NKAIN2: variants seen among roughly 807,000 people sequenced by gnomAD.
The protein encoded by NKAIN2 is sodium/potassium transporting ATPase interacting 2.
Under a neutral mutation model 32.6 loss-of-function variants are expected in NKAIN2, and 14 were observed. That is an observed-to-expected ratio of 0.43 (90% CI 0.28 to 0.67). NKAIN2 has a LOEUF of 0.67. Among genes scored for constraint, NKAIN2 ranks in the 30% least tolerant of loss-of-function variants. The pLI is 0.17. For missense variants in NKAIN2, 198 were observed against 258.3 expected (o/e 0.77, Z 1.60); for synonymous variants, 80 against 87.2 (o/e 0.92, Z 0.46).
chr6:124,453,355 A>ACACACACACACACACG (rs1554210275), intron 3 of NKAIN2, among the ~76,000 whole-genome samples: 5 of 136,676 alleles, frequency 3.7e-5, no homozygotes, highest in Admixed American at 7.5e-5. Flanking sequence ...ACACACACAC[A>ACACACACACACACACG]CACACACACA....
chr6:124,217,586 C>T (rs543051475), intron 1 of NKAIN2, among the ~76,000 whole-genome samples: 1 of 151,706 alleles, frequency 6.6e-6, no homozygotes. Context: ...GATTTGTTTA[C>T]CTAAAGGTAT....
At chr6:124,088,004 CA>C (rs1344253314) in intron 1 of NKAIN2, among the ~76,000 whole-genome samples, 4 of 152,098 alleles carry the variant, frequency 2.6e-5, no homozygotes, top group Middle Eastern at 3.4e-3. Context: ...TACTACGTTG[CA>C]TTCGCATTTT....
At chr6:124,079,413 G>A (rs1232203700) in intron 1 of NKAIN2, among the ~76,000 whole-genome samples, 1 of 152,134 alleles carries the variant, frequency 6.6e-6, no homozygotes, top group Non-Finnish European at 1.5e-5. Flanking sequence ...GTGTGGGGTT[G>A]AAATCACTAA....
chr6:124,016,059 A>C (rs1780558922), intron 1 of NKAIN2, among the ~76,000 whole-genome samples: 1 of 152,144 alleles, frequency 6.6e-6, no homozygotes, highest in Non-Finnish European at 1.5e-5. Context: ...GATCATTTCC[A>C]ATTTTTATAC....
chr6:124,775,578 C>T (rs1778951576), intron 4 of NKAIN2, among the ~76,000 whole-genome samples: 1 of 152,124 alleles, frequency 6.6e-6, no homozygotes, highest in South Asian at 2.1e-4. Flanking sequence ...CCTTCAAAAA[C>T]TCTTCAAATA....
At chr6:124,606,346 A>G (rs904401607) in intron 3 of NKAIN2, among the ~76,000 whole-genome samples, 2 of 151,924 alleles carry the variant, frequency 1.3e-5, no homozygotes, top group Non-Finnish European at 2.9e-5. Flanking sequence ...ATGTCTTTTT[A>G]CAGAGAGAAA....
At chr6:123,914,247 GAC>G (rs1562254918) in intron 1 of NKAIN2, among the ~76,000 whole-genome samples, 2 of 151,808 alleles carry the variant, frequency 1.3e-5, no homozygotes, top group Non-Finnish European at 2.9e-5. Flanking sequence ...CAGACAGAGA[GAC>G]AGAGACAGAG....
chr6:124,460,264 C>G (rs1361739326), intron 3 of NKAIN2, among the ~76,000 whole-genome samples: 1 of 151,504 alleles, frequency 6.6e-6, no homozygotes, highest in Non-Finnish European at 1.5e-5. Context: ...AAATATTTTC[C>G]TATATTTGTC....
At chr6:124,031,393 C>T (rs9491052) in intron 1 of NKAIN2, among the ~76,000 whole-genome samples, 8,123 of 152,028 alleles carry the variant, frequency 0.053, 721 homozygotes, top group African/African-American at 0.18. Context: ...AAGGGTTTTT[C>T]TGTGTCTCTA....
intron 1 of NKAIN2, among the ~76,000 whole-genome samples, chr6:124,216,769 GTATT>G (rs1280937462): frequency 7.2e-5 from 11 of 152,164 alleles, no homozygotes; most frequent in African/African-American, 2.7e-4. Context: ...AAGGAGTTTT[GTATT>G]TATTGGCAAA....
At chr6:124,045,752 AT>A (rs1213094849) in intron 1 of NKAIN2, among the ~76,000 whole-genome samples, 1 of 152,050 alleles carries the variant, frequency 6.6e-6, no homozygotes, top group Non-Finnish European at 1.5e-5. Flanking sequence ...ATAATTTGAA[AT>A]TGATACATTA....
At chr6:124,383,563 C>A (rs905073610) in intron 3 of NKAIN2, among the ~76,000 whole-genome samples, 1 of 152,138 alleles carries the variant, frequency 6.6e-6, no homozygotes, top group African/African-American at 2.4e-5. Context: ...GCTCTTGTGG[C>A]CACACACGTG....
In NKAIN2 at chr6:124,808,573, T is replaced by C. The variant is rs577104921; in HGVS notation, c.536-9814T>C. On this transcript the variant is annotated intron_variant, in intron 5 of 6. Transcript: ENST00000368417. ...GAAGCATTCCCTTTGAAAACTGGCA[T>C]AAGACAGGGATGCCCTCTCTCACCA... 3.2e-3 allele frequency among the ~76,000 whole-genome samples: 493 copies of C among 152,168 alleles called. 2 individuals are homozygous for C. Among genetic ancestry groups the C allele is most frequent in the African/African-American group, 5.2e-3 (218 of 41,546 alleles).
intron 2 of NKAIN2, among the ~76,000 whole-genome samples, chr6:124,329,292 T>C (rs1011658005): frequency 2.0e-5 from 3 of 152,224 alleles, no homozygotes; most frequent in African/African-American, 4.8e-5. Context: ...TTATCTCATC[T>C]GGGTGCCAAA....
chr6:124,114,425 A>G (rs960123648), intron 1 of NKAIN2, among the ~76,000 whole-genome samples: 1 of 152,068 alleles, frequency 6.6e-6, no homozygotes. Flanking sequence ...AAAATTCAGT[A>G]TTAGGTGTGT....
chr6:124,209,545 TA>T (rs1791064636), intron 1 of NKAIN2, among the ~76,000 whole-genome samples: 1 of 151,810 alleles, frequency 6.6e-6, no homozygotes, highest in Non-Finnish European at 1.5e-5. Flanking sequence ...CCATAGTGAC[TA>T]TACTAATAAT....
intron 3 of NKAIN2, among the ~76,000 whole-genome samples, chr6:124,589,795 A>G (rs1781842103): frequency 6.6e-6 from 1 of 152,034 alleles, no homozygotes; most frequent in Non-Finnish European, 1.5e-5. Context: ...CCCTGCATGC[A>G]TTAGGTATTA....
rs542945466 is a variant in NKAIN2, at chr6:124,290,054, A to AC, written c.192+6913dup. On this transcript the variant is annotated intron_variant, in intron 2 of 6. Coordinates refer to ENST00000368417, the MANE Select transcript of NKAIN2 (RefSeq NM_001040214.3). ...CATAAGCCTGGAAGGGAGGGAGAAA[A>AC]CAAAAAAAAACATCATTACAAGTTT... 7.4e-3 allele frequency among the ~76,000 whole-genome samples: 1,030 copies of AC among 138,264 alleles called. 12 individuals are homozygous for AC. The highest frequency in any genetic ancestry group is 0.031 in the African/African-American group (1,002 of 32,136). The allele number at this position is 138,264 out of a possible 152,430, so 90.7% of individuals were successfully genotyped here. A position where few individuals can be genotyped will look rare whatever the true frequency, so the allele number is the denominator to read the frequency against.
chr6:124,445,200 CA>C (rs1437302857), intron 3 of NKAIN2, among the ~76,000 whole-genome samples: 1 of 151,950 alleles, frequency 6.6e-6, no homozygotes, highest in Non-Finnish European at 1.5e-5. Context: ...AAAAGATACA[CA>C]AAAAATTGTT....
Sources: gnomAD v4.1 joint callset for allele counts (sites outside exome capture counted in the v4.1 genomes callset) on GRCh38, gnomAD v4.1.1 for gene constraint, MANE v1.5 for transcripts, NCBI Gene and HGNC (gene_info 2026-07-23, HGNC 2026-07-21) for gene names.